The following UNC79 variants were observed in gnomAD, a reference collection of about 807,000 sequenced individuals.
The protein encoded by UNC79 is protein unc-79 homolog.
Under a neutral mutation model 283.1 loss-of-function variants are expected in UNC79, and 37 were observed. The observed-to-expected ratio is 0.13, with a 90% confidence interval of 0.10 to 0.17. The LOEUF is 0.17. Among genes scored for constraint, UNC79 ranks in the 10% least tolerant of loss-of-function variants. The probability of loss-of-function intolerance (pLI) is 1.00; values close to 1 mark genes in which losing one functional copy is unlikely to be tolerated. For synonymous variants in UNC79, 1,107 were observed against 1,200.2 expected, an observed-to-expected ratio of 0.92 and a Z score of 1.61; for missense variants, 2,272 against 3,211.1, an observed-to-expected ratio of 0.71 and a Z score of 7.07.
intron 26 of UNC79, among the ~76,000 whole-genome samples, chr14:93,606,681 C>T (rs894450813): frequency 2.6e-5 from 4 of 152,104 alleles, no homozygotes; most frequent in African/African-American, 9.7e-5. Context: ...AATTTAATTG[C>T]TGTTTAGGTT....
intron 1 of UNC79, among the ~76,000 whole-genome samples, chr14:93,438,345 T>C (rs2056168138): frequency 6.6e-6 from 1 of 152,176 alleles, no homozygotes; most frequent in African/African-American, 2.4e-5. Context: ...GTCTACTATG[T>C]ATCAAGCACT....
At chr14:93,363,429 G>A (rs890309979) in intron 1 of UNC79, among the ~76,000 whole-genome samples, 1 of 152,208 alleles carries the variant, frequency 6.6e-6, no homozygotes, top group African/African-American at 2.4e-5. Context: ...TGGGAAGAAT[G>A]CATATACTGT....
At chr14:93,490,917 T>C (rs2058692758) in intron 5 of UNC79, among the ~76,000 whole-genome samples, 1 of 152,204 alleles carries the variant, frequency 6.6e-6, no homozygotes, top group African/African-American at 2.4e-5. Flanking sequence ...CACTTCTCAG[T>C]ACCAATTTTC....
upstream of UNC79, among the ~76,000 whole-genome samples, chr14:93,427,327 A>G (rs1461841554): frequency 6.6e-6 from 1 of 152,224 alleles, no homozygotes; most frequent in Admixed American, 6.5e-5. Context: ...TTCCTCACAC[A>G]TAGTGTTTAA....
chr14:93,478,825 T>G lies in UNC79; in HGVS notation c.619+1097T>G, dbSNP rs1037994077. Among the ~76,000 whole-genome samples the G allele has an allele frequency of 2.6e-5, 4 of 152,336 alleles. No homozygotes were observed. In the South Asian group the frequency reaches 8.3e-4, roughly 32 times the overall value. On this transcript the variant is annotated intron_variant, in intron 4 of 48. Transcript: ENST00000555664. ...TTATGTACTTACGATCTTATTAAAG[T>G]TGTTGCTCTGTAATAACAATTGGTA...
intron 1 of UNC79, among the ~76,000 whole-genome samples, chr14:93,370,569 G>A (rs779129983): frequency 1.3e-5 from 2 of 152,144 alleles, no homozygotes; most frequent in South Asian, 2.1e-4. Context: ...TCAGGAGATC[G>A]AGACCATCCT....
rs117741043 is a variant in UNC79 at position 93,377,902 on chromosome 14, A to T, written c.-351+44379A>T. On this transcript the variant is annotated intron_variant, in intron 1 of 49. Coordinates refer to the UNC79 transcript ENST00000256339. Reference sequence around the variant, plus strand: ...TACATACAGCTTTCATAGCAGGAGGATCCCTGCCGTGTGGTCTGTTTTTAC... The same window carrying T: ...TACATACAGCTTTCATAGCAGGAGGTTCCCTGCCGTGTGGTCTGTTTTTAC... Among the ~76,000 whole-genome samples, 196 of 152,322 alleles carry T rather than the reference A, an allele frequency of 1.3e-3. 3 individuals carry two copies. In the East Asian group the frequency reaches 0.024, roughly 19 times the overall value.
intron 29 of UNC79, 58 bp downstream of exon 30, chr14:93,618,412 A>G (rs1379775031): frequency 2.1e-6 from 3 of 1,460,242 alleles, no homozygotes; most frequent in South Asian, 2.9e-5. Flanking sequence ...TTTCTGGACA[A>G]TGTTTTCTTA....
At chr14:93,565,754 C>A (rs2062840244) in intron 14 of UNC79, among the ~76,000 whole-genome samples, 1 of 152,128 alleles carries the variant, frequency 6.6e-6, no homozygotes, top group African/African-American at 2.4e-5. Flanking sequence ...CAAGGTGTGG[C>A]AAAGGGAGGG....
At chr14:93,515,564 G>T (rs1199206688) in intron 7 of UNC79, among the ~76,000 whole-genome samples, 1 of 152,074 alleles carries the variant, frequency 6.6e-6, no homozygotes, top group African/African-American at 2.4e-5. Flanking sequence ...TGCTTCTGGT[G>T]AAAGGGTATA....
At chr14:93,606,854 G>T (rs1223987494) in intron 26 of UNC79, among the ~76,000 whole-genome samples, 1 of 152,156 alleles carries the variant, frequency 6.6e-6, no homozygotes, top group Non-Finnish European at 1.5e-5. Flanking sequence ...CAAAGGCTTT[G>T]TGCATCTAAA....
At chr14:93,335,744 A>G (rs749254296) in intron 1 of UNC79, among the ~76,000 whole-genome samples, 12 of 152,238 alleles carry the variant, frequency 7.9e-5, no homozygotes, top group Non-Finnish European at 1.6e-4. Context: ...AAACAAAGAA[A>G]CAAAGTGAGA....
At chr14:93,572,854 T>C in intron 16 of UNC79, 38 bp downstream of exon 16, 1 of 1,608,618 alleles carries the variant, frequency 6.2e-7, no homozygotes. Flanking sequence ...TAGGAAATAG[T>C]TCTTAGCTTA....
chr14:93,525,029 T>C (rs2060483533), intron 8 of UNC79, among the ~76,000 whole-genome samples: 1 of 152,298 alleles, frequency 6.6e-6, no homozygotes, highest in South Asian at 2.1e-4. Context: ...AACCAAAAAC[T>C]GGCAGAGGAG....
intron 31 of UNC79, among the ~76,000 whole-genome samples, chr14:93,633,336 A>T (rs1162824155): frequency 2.6e-5 from 4 of 152,184 alleles, no homozygotes. Flanking sequence ...TTCGTAGCTA[A>T]ACGTGTTGTG....
In UNC79 at chr14:93,688,823, C is replaced by T. The variant is rs2074453137; in HGVS notation, c.7068C>T (p.Pro2356=). 1.2e-6 allele frequency: 2 copies of T among 1,613,806 alleles called. No individual in the cohort carries two copies. Among genetic ancestry groups the T allele is most frequent in the East Asian group, 2.2e-5 (1 of 44,872 alleles). Residue 2356 remains proline (P), a synonymous_variant, in exon 44 of 49, where the codon CCC becomes CCT. Coordinates refer to ENST00000555664, the Ensembl canonical transcript of UNC79. The surrounding 1 kb of genome is among the most constrained non-coding windows in gnomAD (Gnocchi z 4.0). ...ATCTGCCTTGGCTTTATCATCCCCC[C>T]TCTGCAATGCAGCAAGGGTAAGACC...
Position 93,687,068 on chromosome 14 carries a change from C to T in UNC79, c.6909+407C>T, listed in dbSNP as rs116243605. ...TCATTCTCTTTTTACCACATAGCAT[C>T]GTTTAATTACCTTGAGCATCAGTTT... On this transcript the variant is annotated intron_variant, in intron 43 of 48. Coordinates refer to ENST00000555664, the Ensembl canonical transcript of UNC79. 4.3e-3 allele frequency among the ~76,000 whole-genome samples: 648 copies of T among 152,260 alleles called. 8 individuals are homozygous for T. Among genetic ancestry groups the T allele is most frequent in the African/African-American group, 0.015 (611 of 41,552 alleles).
At chr14:93,374,253 G>A (rs952171955) in intron 1 of UNC79, among the ~76,000 whole-genome samples, 1 of 152,150 alleles carries the variant, frequency 6.6e-6, no homozygotes, top group African/African-American at 2.4e-5. Context: ...GAAAGTTTCA[G>A]GCACTGGACT....
intron 1 of UNC79, 142 bp from the exon 2 acceptor site, chr14:93,467,529 T>G (rs965719249): frequency 3.9e-6 from 4 of 1,037,888 alleles, no homozygotes; most frequent in Non-Finnish European, 4.9e-6. Flanking sequence ...CTTATGTTTC[T>G]TAAAATACTG....
Sources: gnomAD v4.1 joint callset for allele counts (sites outside exome capture counted in the v4.1 genomes callset) on GRCh38, gnomAD v4.1.1 for gene constraint, Gnocchi (gnomAD v3.1) non-coding constraint, MANE v1.5 for transcripts, NCBI Gene and HGNC (gene_info 2026-07-23, HGNC 2026-07-21) for gene names.